Variants in DYSF observed in about 807,000 individuals in gnomAD.
DYSF encodes dysferlin.
DYSF carries 212 observed loss-of-function variants against 274.9 expected under a neutral mutation model. The ratio of observed to expected loss-of-function variants is 0.77; its 90% confidence interval spans 0.69 to 0.86. The LOEUF (loss-of-function observed/expected upper bound fraction) is 0.86. Ranked by LOEUF, DYSF falls within the 40% of genes least tolerant of loss-of-function variation. The probability of loss-of-function intolerance (pLI) is 0.00; values close to 1 mark genes in which losing one functional copy is unlikely to be tolerated. For missense variants in DYSF, 2,666 were observed against 2,783.2 expected (o/e 0.96, Z 0.95); for synonymous variants, 1,091 against 1,078.7 (o/e 1.01, Z -0.22).
At chr2:71,603,428 G>T (rs1174717903) in intron 36 of DYSF, among the ~76,000 whole-genome samples, 1 of 152,182 alleles carries the variant, frequency 6.6e-6, no homozygotes, top group Non-Finnish European at 1.5e-5. Context: ...CCAGAGGGTG[G>T]GTGGCAGAGA....
intron 42 of DYSF, among the ~76,000 whole-genome samples, chr2:71,645,639 T>G (rs1472103147): frequency 0.014 from 2 of 146 alleles, no homozygotes; most frequent in African/African-American, 0.045. Context: ...CTGTCCTCCC[T>G]AGGCCTGTGG....
intron 16 of DYSF, 33 bp from the exon 17 acceptor site, chr2:71,539,124 T>G: frequency 6.3e-7 from 1 of 1,599,312 alleles, no homozygotes; most frequent in Non-Finnish European, 8.6e-7. Context: ...GTTCCTTTCC[T>G]GTGTTCAGGC....
In DYSF at chr2:71,503,283, T is replaced by C. The variant is rs1231985809; in HGVS notation, c.309T>C (p.Asn103=). The change falls in exon 4 of 56, where the codon AAT becomes AAC. Residue 103 remains asparagine, a synonymous_variant. Coordinates refer to ENST00000410020, the MANE Select transcript of DYSF (RefSeq NM_001130987.2). ...LATPSLSASF[N]APLLDTKKQP... is the part of the protein sequence containing the mutation. ...CCCCTAGTCTGTCCGCCAGCTTCAA[T>C]GCCCCCCTGCTGGACACCAAGAAGC... 2 of 1,614,106 alleles carry C rather than the reference T, an allele frequency of 1.2e-6. No homozygotes were observed. The highest frequency in any genetic ancestry group is 1.1e-5 in the South Asian group (1 of 91,082).
At chr2:71,661,544 T>G (rs1411467008) in intron 45 of DYSF, among the ~76,000 whole-genome samples, 2 of 152,206 alleles carry the variant, frequency 1.3e-5, no homozygotes, top group African/African-American at 4.8e-5. Flanking sequence ...AGGAAGAATG[T>G]AGACCCAAGA....
chr2:71,544,766 C>T (rs1488605718), intron 17 of DYSF, among the ~76,000 whole-genome samples: 1 of 152,216 alleles, frequency 6.6e-6, no homozygotes, highest in Non-Finnish European at 1.5e-5. Flanking sequence ...ACTTAGACTT[C>T]TAGCTGCTTG....
intron 36 of DYSF, among the ~76,000 whole-genome samples, chr2:71,605,383 T>C (rs370471293): frequency 6.6e-6 from 1 of 152,230 alleles, no homozygotes; most frequent in Non-Finnish European, 1.5e-5. Context: ...CATGTGCGAG[T>C]GTGTACACTC....
rs1007425061 is a variant in DYSF, at chr2:71,513,871, A to C, written c.709A>C (p.Ser237Arg). ...PHYPGIKRKR[S>R]APTSRKLLSD... ...CTACCCCGGGATCAAAAGAAAGCGA[A>C]GTGCGCCTACATCTAGAAAGCTGCT... The change falls in exon 7 of 56, where the codon AGT becomes CGT. Residue 237 changes from serine (S) to arginine (R), a missense_variant. Physicochemically the swap from Ser to Arg is moderately radical, Grantham distance 110. Coordinates refer to ENST00000410020, the MANE Select transcript of DYSF (RefSeq NM_001130987.2). 1.2e-6 allele frequency: 2 copies of C among 1,614,110 alleles called. No individual in the cohort carries two copies. The highest frequency in any genetic ancestry group is 1.3e-5 in the African/African-American group (1 of 74,938).
chr2:71,663,157 G>T (rs1262585068), intron 45 of DYSF, among the ~76,000 whole-genome samples: 1 of 152,156 alleles, frequency 6.6e-6, no homozygotes, highest in Non-Finnish European at 1.5e-5. Flanking sequence ...CAGTGTCTGG[G>T]CTGGGGAGAG....
chr2:71,661,539 G>T (rs1406885673), intron 45 of DYSF, among the ~76,000 whole-genome samples: 1 of 152,210 alleles, frequency 6.6e-6, no homozygotes, highest in Non-Finnish European at 1.5e-5. Context: ...GCTAGAGGAA[G>T]AATGTAGACC....
At chr2:71,599,199 G>GC (rs941380660) in intron 33 of DYSF, among the ~76,000 whole-genome samples, 1 of 152,180 alleles carries the variant, frequency 6.6e-6, no homozygotes, top group Non-Finnish European at 1.5e-5. Flanking sequence ...GTCCCCGAGT[G>GC]CCTCTCAACT....
At chr2:71,476,512 G>GCCTGAATGA (rs1279253526) in intron 1 of DYSF, among the ~76,000 whole-genome samples, 1 of 150,302 alleles carries the variant, frequency 6.7e-6, no homozygotes, top group East Asian at 2.0e-4. Flanking sequence ...TCACACTCCA[G>GCCTGAATGA]CCTGAATGAC....
intron 3 of DYSF, among the ~76,000 whole-genome samples, chr2:71,498,733 G>T (rs527698093): frequency 2.4e-4 from 37 of 152,298 alleles, no homozygotes; most frequent in African/African-American, 7.9e-4. Flanking sequence ...AATTTTCTAT[G>T]GTTAGCTGGC....
chr2:71,650,734 G>C (rs1332894572), intron 42 of DYSF, among the ~76,000 whole-genome samples: 2 of 152,024 alleles, frequency 1.3e-5, no homozygotes, highest in Admixed American at 1.3e-4. Context: ...AGCCCAAAAG[G>C]CCTCTTCTAC....
chr2:71,626,284 C>G (rs1220456383), intron 41 of DYSF, among the ~76,000 whole-genome samples: 1 of 145,838 alleles, frequency 6.9e-6, no homozygotes, highest in Admixed American at 7.1e-5. Context: ...ACCTAGTTAC[C>G]TGTTAGAATC....
At chr2:71,490,004 G>A (rs2083690765) in intron 3 of DYSF, among the ~76,000 whole-genome samples, 1 of 152,066 alleles carries the variant, frequency 6.6e-6, no homozygotes, top group Non-Finnish European at 1.5e-5. Context: ...AATACTGAAG[G>A]TGCAATATAT....
At chr2:71,664,573 T>A in intron 46 of DYSF, 135 bp downstream of exon 46, 33 of 1,038,030 alleles carry the variant, frequency 3.2e-5, no homozygotes, top group Non-Finnish European at 4.2e-5. Flanking sequence ...TCTCATTGAG[T>A]CCAATGGGAG....
intron 21 of DYSF, 98 bp downstream of exon 21, chr2:71,554,029 C>T (rs2091160449): frequency 1.3e-6 from 2 of 1,568,178 alleles, no homozygotes; most frequent in Admixed American, 1.7e-5. Flanking sequence ...GGTGCACACA[C>T]TGACACACGG....
At chr2:71,600,134 C>G (rs2093513825) in intron 33 of DYSF, among the ~76,000 whole-genome samples, 1 of 151,890 alleles carries the variant, frequency 6.6e-6, no homozygotes, top group African/African-American at 2.4e-5. Context: ...GGGGGCTTGC[C>G]CCTGCATCCA....
rs778686949 is a variant in DYSF, at chr2:71,520,808, G to A, written c.1053G>A (p.Lys351=). The change falls in exon 12 of 56, where the codon AAG becomes AAA. Residue 351 remains lysine (K), a synonymous_variant. Transcript: ENST00000410020. The stretch of plus-strand genomic sequence containing the variant: ...TCTTAGGGCACGCCTATCTCAGGAA[G>A]TGGCTGCTGCTCTCAGACCCTGATG... ...YREPRHAYLR[K]WLLLSDPDDF... is the part of the protein sequence containing the mutation. 4.3e-6 allele frequency: 7 copies of A among 1,614,060 alleles called. No individual in the cohort carries two copies. The Admixed American group carries it at 6.7e-5, about 15-fold the overall frequency.
Sources: gnomAD v4.1 joint callset for allele counts (sites outside exome capture counted in the v4.1 genomes callset) on GRCh38, gnomAD v4.1.1 for gene constraint, MANE v1.5 for transcripts, NCBI Gene and HGNC (gene_info 2026-07-23, HGNC 2026-07-21) for gene names.